The following GABRB1 variants were observed in gnomAD, a reference collection of about 807,000 sequenced individuals.
The protein encoded by GABRB1 is gamma-aminobutyric acid type A receptor subunit beta1.
In GABRB1, 17 loss-of-function variants were observed where a neutral mutation model predicts 51.6. The observed-to-expected ratio is 0.33, with a 90% confidence interval of 0.23 to 0.49. The LOEUF (loss-of-function observed/expected upper bound fraction) is 0.49. GABRB1 is among the 20% of genes least tolerant of loss of function. GABRB1 has a pLI of 0.99. For synonymous variants in GABRB1, 247 were observed against 218.9 expected, an observed-to-expected ratio of 1.13 and a Z score of -1.14; for missense variants, 410 against 600.6, an observed-to-expected ratio of 0.68 and a Z score of 3.32.
chr4:47,239,329 G>A (rs770334193), intron 4 of GABRB1, among the ~76,000 whole-genome samples: 13 of 152,130 alleles, frequency 8.5e-5, no homozygotes, highest in Non-Finnish European at 1.6e-4. Flanking sequence ...TCTATCCATT[G>A]TGTGAATATA....
At chr4:47,137,007 A>T (rs1315456157) in intron 3 of GABRB1, among the ~76,000 whole-genome samples, 1 of 152,134 alleles carries the variant, frequency 6.6e-6, no homozygotes, top group Admixed American at 6.6e-5. Flanking sequence ...AGAGACAAGG[A>T]GACTAGGACT....
chr4:47,010,740 G>A (rs1210513213), intron 1 of GABRB1, among the ~76,000 whole-genome samples: 1 of 152,142 alleles, frequency 6.6e-6, no homozygotes, highest in African/African-American at 2.4e-5. Flanking sequence ...GAACTTCTTA[G>A]CTGTTTCACT....
chr4:47,198,600 G>A (rs2109793513), intron 4 of GABRB1, among the ~76,000 whole-genome samples: 1 of 152,200 alleles, frequency 6.6e-6, no homozygotes, highest in African/African-American at 2.4e-5. Flanking sequence ...AAGGACATGA[G>A]GATCATGAAA....
chr4:47,135,280 G>T (rs1399309100), intron 3 of GABRB1, among the ~76,000 whole-genome samples: 5 of 152,084 alleles, frequency 3.3e-5, no homozygotes, highest in African/African-American at 1.2e-4. Flanking sequence ...TTAGGAATCG[G>T]CAGCACATGT....
chr4:46,996,566 C>A (rs1016345392), intron 1 of GABRB1, among the ~76,000 whole-genome samples: 2 of 151,990 alleles, frequency 1.3e-5, no homozygotes, highest in Non-Finnish European at 2.9e-5. Context: ...TTCTTATAGG[C>A]CATGGACAAC....
chr4:47,149,766 A>ATT (rs11418898), intron 3 of GABRB1, among the ~76,000 whole-genome samples: 1 of 151,864 alleles, frequency 6.6e-6, no homozygotes, highest in African/African-American at 2.4e-5. Flanking sequence ...TTCTCAAATC[A>ATT]TTTTTTCTTC....
chr4:47,098,862 C>A (rs1714590149), intron 3 of GABRB1, among the ~76,000 whole-genome samples: 1 of 151,952 alleles, frequency 6.6e-6, no homozygotes, highest in Non-Finnish European at 1.5e-5. Flanking sequence ...TAGATATCAC[C>A]TAGTGGCTGT....
intron 4 of GABRB1, among the ~76,000 whole-genome samples, chr4:47,294,905 CA>C (rs1415331495): frequency 1.3e-5 from 2 of 152,158 alleles, no homozygotes; most frequent in African/African-American, 4.8e-5. Flanking sequence ...TCCTCTGAGA[CA>C]AAACTTCCAG....
chr4:47,054,566 T>C (rs1182427348), intron 3 of GABRB1, among the ~76,000 whole-genome samples: 3 of 149,132 alleles, frequency 2.0e-5, no homozygotes, highest in Non-Finnish European at 4.4e-5. Context: ...ATTGTTACTA[T>C]TATTATTACT....
At chr4:47,163,539 G>A (rs1397090987) in intron 4 of GABRB1, among the ~76,000 whole-genome samples, 3 of 151,980 alleles carry the variant, frequency 2.0e-5, no homozygotes, top group Non-Finnish European at 4.4e-5. Context: ...TACTCCAAGA[G>A]TGGGGAGAAG....
intron 4 of GABRB1, among the ~76,000 whole-genome samples, chr4:47,228,591 C>G (rs1442109): frequency 0.21 from 32,315 of 151,876 alleles, 3,626 homozygotes; most frequent in East Asian, 0.28. Context: ...ATGTCTATCA[C>G]TCATCTTCTG....
intron 4 of GABRB1, among the ~76,000 whole-genome samples, chr4:47,183,604 T>A: frequency 6.6e-6 from 1 of 151,700 alleles, no homozygotes; most frequent in Non-Finnish European, 1.5e-5. Context: ...ACTCTTGACA[T>A]GGAATGTCAT....
intron 5 of GABRB1, among the ~76,000 whole-genome samples, chr4:47,335,291 A>G (rs913071143): frequency 6.6e-6 from 1 of 151,962 alleles, no homozygotes. Flanking sequence ...TTTCTACATG[A>G]ACTCCCCTAT....
At chr4:47,169,825 C>T (rs1164478351) in intron 4 of GABRB1, among the ~76,000 whole-genome samples, 1 of 152,086 alleles carries the variant, frequency 6.6e-6, no homozygotes, top group African/African-American at 2.4e-5. Context: ...TAGCCCAAGT[C>T]TTCTCACTCC....
At chr4:47,280,834 T>C (rs1723266446) in intron 4 of GABRB1, among the ~76,000 whole-genome samples, 1 of 149,966 alleles carries the variant, frequency 6.7e-6, no homozygotes, top group Non-Finnish European at 1.5e-5. Flanking sequence ...TTTTTTTTTT[T>C]TTTTAGAAAT....
intron 3 of GABRB1, among the ~76,000 whole-genome samples, chr4:47,122,180 T>C (rs1025794938): frequency 2.6e-5 from 4 of 152,188 alleles, no homozygotes; most frequent in African/African-American, 9.7e-5. Context: ...CATAACTGGA[T>C]TTATGCTTGA....
At chr4:47,179,390 A>G (rs1271415186) in intron 4 of GABRB1, among the ~76,000 whole-genome samples, 1 of 152,140 alleles carries the variant, frequency 6.6e-6, no homozygotes, top group African/African-American at 2.4e-5. Context: ...TCAAGGATCT[A>G]GAACCAGAAA....
At chr4:47,158,136 C>T (rs757645187) in intron 3 of GABRB1, among the ~76,000 whole-genome samples, 3 of 151,906 alleles carry the variant, frequency 2.0e-5, no homozygotes, top group Non-Finnish European at 4.4e-5. Context: ...CCCATACACG[C>T]ACACACACAC....
intron 4 of GABRB1, among the ~76,000 whole-genome samples, chr4:47,305,384 C>T (rs2109944127): frequency 6.6e-6 from 1 of 152,152 alleles, no homozygotes; most frequent in Admixed American, 6.6e-5. Context: ...ATTTTTCAAG[C>T]AACAGTGGCA....
Sources: allele counts gnomAD v4.1 joint callset (sites outside exome capture counted in the v4.1 genomes callset), GRCh38; gene constraint gnomAD v4.1.1; transcripts MANE v1.5; gene names NCBI Gene and HGNC (gene_info 2026-07-23, HGNC 2026-07-21).